ACSBG1: variants seen among roughly 807,000 people sequenced by gnomAD.
The protein encoded by ACSBG1 is acyl-CoA synthetase bubblegum family member 1, also known as long-chain-fatty-acid--CoA ligase ACSBG1.
ACSBG1 carries 39 observed loss-of-function variants against 80.2 expected under a neutral mutation model. The ratio of observed to expected loss-of-function variants is 0.49; its 90% CI spans 0.38 to 0.64. The LOEUF is 0.64. Ranked by LOEUF, ACSBG1 falls within the 30% of genes least tolerant of loss-of-function variation. The probability of loss-of-function intolerance (pLI) is 0.00; values close to 1 mark genes in which losing one functional copy is unlikely to be tolerated. For missense variants in ACSBG1, 828 were observed against 966.4 expected (o/e 0.86, Z 1.90); for synonymous variants, 392 against 379.5 (o/e 1.03, Z -0.38).
At chr15:78,174,995 A>T (rs41279226) in intron 11 of ACSBG1, among the ~76,000 whole-genome samples, 15 of 152,390 alleles carry the variant, frequency 9.8e-5, no homozygotes, top group Middle Eastern at 3.4e-3. Flanking sequence ...GAGGAAACTG[A>T]GGCACAGAGA....
At chr15:78,221,900 A>G (rs906269697) in intron 1 of ACSBG1, among the ~76,000 whole-genome samples, 3 of 152,234 alleles carry the variant, frequency 2.0e-5, no homozygotes, top group Non-Finnish European at 2.9e-5. Context: ...CTGTGAGCAC[A>G]GGGTTGGGGC....
chr15:78,220,153 A>G (rs2075349287), intron 1 of ACSBG1, among the ~76,000 whole-genome samples: 1 of 152,276 alleles, frequency 6.6e-6, no homozygotes, highest in Non-Finnish European at 1.5e-5. Context: ...GGTGAATGAA[A>G]TAGAATTAAG....
Position 78,170,488 on chromosome 15 carries a change from T to C in ACSBG1, c.*956A>G, listed in dbSNP as rs1329870429. On this transcript the variant is annotated 3_prime_UTR_variant, in exon 14 of 14. Transcript: ENST00000258873. ...TGCTGCTTCCTCTGTTTCATTGGAT[T>C]GTGCCAGTTATCAGTGGCTCTTGGG... 1 of 152,238 alleles carries C rather than the reference T, an allele frequency of 6.6e-6. No homozygotes were observed. Among genetic ancestry groups the C allele is most frequent in the African/African-American group, 2.4e-5 (1 of 41,454 alleles). The allele number at this position is 152,238 out of a possible 1,614,324, so 9.4% of individuals were successfully genotyped here. A position where few individuals can be genotyped will look rare whatever the true frequency, so the allele number is the denominator to read the frequency against.
intron 5 of ACSBG1, among the ~76,000 whole-genome samples, chr15:78,184,264 C>G (rs1469082259): frequency 6.6e-6 from 1 of 152,102 alleles, no homozygotes; most frequent in East Asian, 1.9e-4. Context: ...GCCTCAAACC[C>G]CTGGGCTCCC....
At chr15:78,171,724 A>G in intron 13 of ACSBG1, 195 bp from the exon 14 acceptor site, 1 of 528,454 alleles carries the variant, frequency 1.9e-6, no homozygotes. Flanking sequence ...CCTGTGTTAT[A>G]CCACTGGTTG....
intron 1 of ACSBG1, among the ~76,000 whole-genome samples, chr15:78,219,205 A>T (rs1280614682): frequency 1.3e-5 from 2 of 152,096 alleles, no homozygotes; most frequent in African/African-American, 4.8e-5. Context: ...GCAACACAGG[A>T]TTTCCTAGGA....
Position 78,177,305 on chromosome 15 carries a change from C to G in ACSBG1, c.1702+1309G>C, listed in dbSNP as rs972460927. Among the ~76,000 whole-genome samples, 5 of 152,184 alleles carry G rather than the reference C, an allele frequency of 3.3e-5. No individual in the cohort carries two copies. The highest frequency in any genetic ancestry group is 1.2e-4 in the African/African-American group (5 of 41,442). On this transcript the variant is annotated intron_variant, in intron 11 of 13. Coordinates refer to ENST00000258873, the MANE Select transcript of ACSBG1 (RefSeq NM_015162.5). This position sits in a 1 kb window ranked among gnomAD's most constrained non-coding sequence, Gnocchi z 4.1. ...CGGATAGGCGAATAGACCAAGGGAA[C>G]AGAATAGAGTCCACACATAGACCTC...
intron 2 of ACSBG1, among the ~76,000 whole-genome samples, chr15:78,195,970 A>G (rs1195299317): frequency 1.3e-5 from 2 of 152,212 alleles, no homozygotes; most frequent in African/African-American, 2.4e-5. Flanking sequence ...GAAAGAGGTA[A>G]AGATCTGGGG....
intron 1 of ACSBG1, among the ~76,000 whole-genome samples, chr15:78,224,490 C>T (rs183763461): frequency 7.9e-5 from 12 of 152,176 alleles, no homozygotes; most frequent in African/African-American, 2.4e-4. Flanking sequence ...GAGGCCAAGG[C>T]AGGCAGATCA....
chr15:78,232,389 C>T (rs1308837950), intron 1 of ACSBG1, among the ~76,000 whole-genome samples: 1 of 152,230 alleles, frequency 6.6e-6, no homozygotes. Context: ...GGGAGTCCTT[C>T]TCTGCACAAG....
intron 1 of ACSBG1, chr15:78,212,605 TG>T (rs937268580): frequency 2.6e-5 from 12 of 455,636 alleles, no homozygotes; most frequent in Admixed American, 7.1e-5. Flanking sequence ...GCATGGTGCC[TG>T]GGGGGTGGCT....
At position 78,170,631 on chromosome 15, in the gene ACSBG1, C is replaced by G. The variant is rs747324123; in HGVS notation, c.*813G>C. 1.3e-5 allele frequency: 2 copies of G among 152,306 alleles called. 1 individual carries two copies. The highest frequency in any genetic ancestry group is 4.1e-4 in the South Asian group (2 of 4,826). The allele number at this position is 152,306 out of a possible 1,614,324, so 9.4% of individuals were successfully genotyped here. A position where few individuals can be genotyped will look rare whatever the true frequency, so the allele number is the denominator to read the frequency against. On this transcript the variant is annotated 3_prime_UTR_variant, in exon 14 of 14. Transcript: ENST00000258873. ...ACTGAGAATGGCTGCTTCCCGTATT[C>G]AGAATGGAAGTGGGGTGGTCTGGTG... is the stretch of plus-strand genomic sequence containing the variant.
intron 8 of ACSBG1, 50 bp downstream of exon 8, chr15:78,181,919 C>T (rs541235289): frequency 3.6e-5 from 57 of 1,586,770 alleles, no homozygotes; most frequent in East Asian, 6.7e-5. Context: ...CACATGTGGA[C>T]GTGGCCTGGC....
At chr15:78,176,528 G>A (rs770846390) in intron 11 of ACSBG1, among the ~76,000 whole-genome samples, 1 of 151,760 alleles carries the variant, frequency 6.6e-6, no homozygotes, top group Non-Finnish European at 1.5e-5. Flanking sequence ...AAAATTTTGC[G>A]GCAACATCTG....
At chr15:78,217,572 T>A (rs2075322641) in intron 1 of ACSBG1, among the ~76,000 whole-genome samples, 1 of 151,844 alleles carries the variant, frequency 6.6e-6, no homozygotes, top group Non-Finnish European at 1.5e-5. Context: ...AAAAATTTTT[T>A]TTTTTTTTTT....
chr15:78,201,700 G>A (rs2075169905), intron 2 of ACSBG1, among the ~76,000 whole-genome samples: 1 of 152,232 alleles, frequency 6.6e-6, no homozygotes, highest in South Asian at 2.1e-4. Flanking sequence ...CGTGTCCTCT[G>A]CCAATCTCCC....
chr15:78,228,779 T>C (rs2075424072), intron 1 of ACSBG1, among the ~76,000 whole-genome samples: 1 of 152,226 alleles, frequency 6.6e-6, no homozygotes, highest in Admixed American at 6.5e-5. Flanking sequence ...TTTTAGTCTC[T>C]TGAACACTAC....
intron 2 of ACSBG1, among the ~76,000 whole-genome samples, chr15:78,199,138 T>C (rs1172499541): frequency 6.6e-6 from 1 of 152,006 alleles, no homozygotes; most frequent in African/African-American, 2.4e-5. Flanking sequence ...CTTCCTTCCT[T>C]CTTTTTTTGA....
At chr15:78,182,253 G>T (rs566013522) in intron 7 of ACSBG1, 108 bp from the exon 8 acceptor site, 1 of 1,422,926 alleles carries the variant, frequency 7.0e-7, no homozygotes, top group Non-Finnish European at 9.4e-7. Context: ...CCCCTGTGGC[G>T]ATTCTGCAGG....
Sources: allele counts gnomAD v4.1 joint callset (sites outside exome capture counted in the v4.1 genomes callset), GRCh38; gene constraint gnomAD v4.1.1; non-coding constraint Gnocchi (gnomAD v3.1); transcripts MANE v1.5; gene names NCBI Gene and HGNC (gene_info 2026-07-23, HGNC 2026-07-21).